DOK6: variants seen among roughly 807,000 people sequenced by gnomAD.
DOK6 encodes downstream of tyrosine kinase 6.
A neutral mutation model predicts 44.0 loss-of-function variants in DOK6; 22 were observed. The ratio of observed to expected loss-of-function variants is 0.50; its 90% confidence interval spans 0.36 to 0.71. DOK6 has a LOEUF of 0.71. DOK6 is among the 30% of genes least tolerant of loss of function. The probability of loss-of-function intolerance (pLI) is 0.00; values close to 1 mark genes in which losing one functional copy is unlikely to be tolerated. For synonymous variants in DOK6, 166 were observed against 145.5 expected (o/e 1.14, Z -1.01); for missense variants, 340 against 416.4 (o/e 0.82, Z 1.60).
intron 3 of DOK6, among the ~76,000 whole-genome samples, chr18:69,667,285 A>T (rs1021174191): frequency 6.6e-6 from 1 of 152,140 alleles, no homozygotes; most frequent in African/African-American, 2.4e-5. Flanking sequence ...TGTGCCAGAT[A>T]TTTCTCTTCT....
At chr18:69,723,759 T>C (rs989527579) in intron 5 of DOK6, among the ~76,000 whole-genome samples, 2 of 152,182 alleles carry the variant, frequency 1.3e-5, no homozygotes, top group African/African-American at 4.8e-5. Flanking sequence ...TTGATCCTCA[T>C]AGCAACCCTC....
intron 1 of DOK6, among the ~76,000 whole-genome samples, chr18:69,421,322 C>T (rs753681203): frequency 6.6e-6 from 1 of 152,150 alleles, no homozygotes; most frequent in Non-Finnish European, 1.5e-5. Context: ...AGAATATTAA[C>T]ATTATTTAAG....
At chr18:69,533,344 C>CA (rs1349560217) in intron 1 of DOK6, among the ~76,000 whole-genome samples, 6 of 152,104 alleles carry the variant, frequency 3.9e-5, no homozygotes, top group African/African-American at 1.4e-4. Context: ...CATTATCCCC[C>CA]AAAAAATTAT....
chr18:69,744,383 T>C (rs1978909322), intron 6 of DOK6, among the ~76,000 whole-genome samples: 1 of 152,170 alleles, frequency 6.6e-6, no homozygotes, highest in Non-Finnish European at 1.5e-5. Flanking sequence ...TCACTCAATA[T>C]TACCAATGTT....
At chr18:69,617,459 A>C (rs1640495330) in intron 3 of DOK6, among the ~76,000 whole-genome samples, 2 of 148,350 alleles carry the variant, frequency 1.3e-5, no homozygotes, top group South Asian at 4.3e-4. Flanking sequence ...GGAGGAAGGA[A>C]GGAAGGAAAA....
intron 3 of DOK6, among the ~76,000 whole-genome samples, chr18:69,655,776 AAAAAAAAC>A (rs1266407051): frequency 3.4e-4 from 50 of 147,986 alleles, no homozygotes; most frequent in African/African-American, 1.2e-3. Context: ...AAAAAAAAAA[AAAAAAAAC>A]AAAAGAACAA....
chr18:69,410,716 G>T (rs1457419499), intron 1 of DOK6, among the ~76,000 whole-genome samples: 5 of 152,146 alleles, frequency 3.3e-5, no homozygotes, highest in Non-Finnish European at 7.3e-5. Flanking sequence ...GCTCTTGAAA[G>T]ATTTCAATTG....
At chr18:69,736,315 A>G (rs1978604403) in intron 5 of DOK6, among the ~76,000 whole-genome samples, 3 of 151,710 alleles carry the variant, frequency 2.0e-5, no homozygotes, top group East Asian at 3.9e-4. Context: ...CACAATGTTG[A>G]AAACAAACAA....
intron 2 of DOK6, among the ~76,000 whole-genome samples, chr18:69,568,719 C>T (rs1037939227): frequency 2.0e-5 from 3 of 152,156 alleles, no homozygotes; most frequent in African/African-American, 4.8e-5. Flanking sequence ...CTCCCCATGG[C>T]TGGCATTACC....
intron 7 of DOK6, among the ~76,000 whole-genome samples, chr18:69,798,120 A>G (rs997297202): frequency 2.0e-5 from 3 of 152,138 alleles, no homozygotes; most frequent in African/African-American, 7.2e-5. Context: ...TCTTTGACAG[A>G]TAAATTGCAA....
At chr18:69,768,570 G>A (rs1568120885) in intron 7 of DOK6, among the ~76,000 whole-genome samples, 1 of 150,428 alleles carries the variant, frequency 6.6e-6, no homozygotes, top group East Asian at 2.0e-4. Context: ...CTAATTATAG[G>A]TTCAATACAT....
chr18:69,717,660 A>G (rs978844184), intron 5 of DOK6, among the ~76,000 whole-genome samples: 2 of 152,206 alleles, frequency 1.3e-5, no homozygotes, highest in Admixed American at 6.5e-5. Context: ...AGCCAAAGTA[A>G]GCAGGTTAGG....
At chr18:69,703,805 A>G (rs996616079) in intron 5 of DOK6, among the ~76,000 whole-genome samples, 2 of 152,204 alleles carry the variant, frequency 1.3e-5, no homozygotes, top group Non-Finnish European at 2.9e-5. Flanking sequence ...GAAACCCTAA[A>G]CCCCAAACTT....
intron 1 of DOK6, among the ~76,000 whole-genome samples, chr18:69,562,170 A>G (rs1982849371): frequency 1.3e-5 from 2 of 152,176 alleles, no homozygotes; most frequent in South Asian, 2.1e-4. Flanking sequence ...GGAGTGTGAT[A>G]TGGTGGAAAG....
At chr18:69,797,644 T>C (rs528488426) in intron 7 of DOK6, among the ~76,000 whole-genome samples, 3 of 152,282 alleles carry the variant, frequency 2.0e-5, no homozygotes, top group African/African-American at 7.2e-5. Context: ...CTCTTTTGAA[T>C]TGCCATAACA....
intron 3 of DOK6, among the ~76,000 whole-genome samples, chr18:69,606,584 G>A (rs956940703): frequency 2.0e-5 from 3 of 151,610 alleles, no homozygotes; most frequent in Non-Finnish European, 2.9e-5. Context: ...AACAAAAGAC[G>A]TCCAAATTAG....
intron 7 of DOK6, among the ~76,000 whole-genome samples, chr18:69,775,812 G>C (rs181626259): frequency 5.3e-5 from 8 of 151,970 alleles, no homozygotes; most frequent in Admixed American, 2.6e-4. Flanking sequence ...TAAAGTTTAA[G>C]ATACAGGAAT....
chr18:69,811,856 A>T (rs1981249205), intron 7 of DOK6, among the ~76,000 whole-genome samples: 1 of 152,032 alleles, frequency 6.6e-6, no homozygotes, highest in Non-Finnish European at 1.5e-5. Flanking sequence ...CCCTAAGAAT[A>T]TCCCACTGCC....
chr18:69,546,734 A>G (rs549898334), intron 1 of DOK6, among the ~76,000 whole-genome samples: 10 of 151,632 alleles, frequency 6.6e-5, no homozygotes, highest in Admixed American at 5.9e-4. Context: ...CATGCATGGC[A>G]TGAGTAATGA....
Sources: allele counts gnomAD v4.1 joint callset (sites outside exome capture counted in the v4.1 genomes callset), GRCh38; gene constraint gnomAD v4.1.1; transcripts MANE v1.5; gene names NCBI Gene and HGNC (gene_info 2026-07-23, HGNC 2026-07-21).